The following SEC14L5 variants were observed in gnomAD, a reference collection of about 807,000 sequenced individuals.
SEC14L5 encodes the protein SEC14-like protein 5.
A neutral mutation model predicts 84.6 loss-of-function variants in SEC14L5; 96 were observed. That is an observed-to-expected ratio of 1.13 (90% CI 0.96 to 1.34). SEC14L5 has a LOEUF of 1.34. Ranked by LOEUF, SEC14L5 falls within the 40% of genes most tolerant of loss-of-function variation. The pLI is 0.00. For missense variants in SEC14L5, 1,224 were observed against 942.5 expected (o/e 1.30, Z -3.91); for synonymous variants, 546 against 383.4 (o/e 1.42, Z -4.95).
rs554158543 is a variant in SEC14L5, at chr16:4,991,867, T to C, written c.504T>C (p.Asn168=). 1 of 1,609,576 alleles carries C rather than the reference T, an allele frequency of 6.2e-7. No homozygotes were observed. Among genetic ancestry groups the C allele is most frequent in the South Asian group, 1.1e-5 (1 of 90,304 alleles). ...AGGAGGTGATTGAGCATTACCTGAA[T>C]GAGCTCATCTCCCAGGGTACCTCGC... ...RGKEVIEHYL[N]ELISQGTSHI... is the part of the protein sequence containing the mutation. Residue 168 remains asparagine (N), a synonymous_variant, in exon 6 of 16, where the codon AAT becomes AAC. Transcript: ENST00000251170.
intron 11 of SEC14L5, among the ~76,000 whole-genome samples, chr16:5,005,648 TC>T (rs1269371387): frequency 6.6e-6 from 1 of 151,662 alleles, no homozygotes; most frequent in Non-Finnish European, 1.5e-5. Flanking sequence ...GATCACGAGG[TC>T]AGGAGATCGA....
intron 10 of SEC14L5, among the ~76,000 whole-genome samples, chr16:5,002,931 AT>A (rs1955692586): frequency 6.6e-6 from 1 of 152,226 alleles, no homozygotes; most frequent in African/African-American, 2.4e-5. Flanking sequence ...AATTTTTGCA[AT>A]CAGACCTTGG....
chr16:5,011,022 C>T, intron 14 of SEC14L5, 73 bp from the exon 15 acceptor site: 2 of 1,418,216 alleles, frequency 1.4e-6, no homozygotes, highest in Non-Finnish European at 9.6e-7. Context: ...GATGAGAAGC[C>T]CATGAAGGCT....
At chr16:5,004,775 C>G (rs545613310) in intron 11 of SEC14L5, among the ~76,000 whole-genome samples, 2 of 152,232 alleles carry the variant, frequency 1.3e-5, no homozygotes, top group African/African-American at 2.4e-5. Flanking sequence ...TTCCTTCTTT[C>G]TCTCTCTCCC....
intron 15 of SEC14L5, among the ~76,000 whole-genome samples, chr16:5,014,327 TCTC>T (rs755688049): frequency 9.2e-5 from 14 of 152,062 alleles, no homozygotes; most frequent in Non-Finnish European, 1.6e-4. Context: ...GTCACGAGGA[TCTC>T]CTGATCCCAG....
At chr16:4,985,312 G>A (rs1380490951) in intron 2 of SEC14L5, among the ~76,000 whole-genome samples, 1 of 152,032 alleles carries the variant, frequency 6.6e-6, no homozygotes, top group Non-Finnish European at 1.5e-5. Flanking sequence ...TGCAACCTCC[G>A]CCTCCTGGGT....
intron 10 of SEC14L5, 105 bp from the exon 11 acceptor site, chr16:5,003,297 C>A (rs1260529034): frequency 2.5e-5 from 21 of 852,386 alleles, no homozygotes; most frequent in African/African-American, 3.4e-5. Context: ...CCATCTGCTC[C>A]CAGCCCTATC....
chr16:4,979,318 C>A (rs1026993715), intron 2 of SEC14L5, among the ~76,000 whole-genome samples: 4 of 152,208 alleles, frequency 2.6e-5, no homozygotes, highest in African/African-American at 9.6e-5. Flanking sequence ...CATGGTCTGA[C>A]TGCAAGGGGG....
In SEC14L5 at chr16:5,008,600, C is replaced by G; in HGVS notation, c.1752C>G (p.Tyr584Ter). 4 of 1,604,966 alleles carry G rather than the reference C, an allele frequency of 2.5e-6. No individual in the cohort carries two copies. Among genetic ancestry groups the G allele is most frequent in the Non-Finnish European group, 3.4e-6 (4 of 1,177,714 alleles). Residue 584 changes from tyrosine to a stop codon, truncating the protein, a stop_gained, in exon 14 of 16, where the codon TAC becomes TAG. Coordinates refer to ENST00000251170, the MANE Select transcript of SEC14L5 (RefSeq NM_014692.2). LOFTEE classifies it high-confidence loss of function. The stretch of plus-strand genomic sequence containing the variant: ...AAGGCTGGGTCCTGGGCAGGGATTA[C>G]AGCCGTGTGGAGGCTCCCCTTGTCT... ...IDKGWVLGRD[Y>*]SRVEAPLVCR... is the part of the protein sequence containing the mutation.
At chr16:4,991,796 C>T in intron 5 of SEC14L5, 42 bp from the exon 6 acceptor site, 2 of 1,443,034 alleles carry the variant, frequency 1.4e-6, no homozygotes, top group Admixed American at 2.0e-5. Context: ...CCCCCTCCAT[C>T]CTGCCCCGTG....
intron 6 of SEC14L5, among the ~76,000 whole-genome samples, chr16:4,995,619 T>C (rs1955600255): frequency 7.1e-6 from 1 of 141,404 alleles, no homozygotes; most frequent in Non-Finnish European, 1.5e-5. Flanking sequence ...CTTCTCTCTC[T>C]CTCTCTTTTT....
intron 2 of SEC14L5, 39 bp from the exon 3 acceptor site, chr16:4,987,518 C>A (rs1285004594): frequency 1.4e-6 from 2 of 1,471,854 alleles, no homozygotes; most frequent in African/African-American, 1.5e-5. Context: ...GTCCCTCTGC[C>A]CCCCCCACCA....
rs542924930 is a variant in SEC14L5, at chr16:5,005,534, A to G, written c.1303-380A>G. On this transcript the variant is annotated intron_variant, in intron 11 of 15. Coordinates refer to ENST00000251170, the MANE Select transcript of SEC14L5 (RefSeq NM_014692.2). ...CTGAACTGTGCACTTTATAATGATT[A>G]ATTCTATGTTGTATAAATTATATCT... 4.0e-5 allele frequency among the ~76,000 whole-genome samples: 6 copies of G among 151,534 alleles called. No individual in the cohort carries two copies. In the South Asian group the frequency reaches 1.3e-3, roughly 32 times the overall value.
rs763722457 is a variant in SEC14L5, at chr16:5,014,937, C to T, written c.2058C>T (p.Gly686=). 1 of 1,612,450 alleles carries T rather than the reference C, an allele frequency of 6.2e-7. No homozygotes were observed. Among genetic ancestry groups the T allele is most frequent in the East Asian group, 2.2e-5 (1 of 44,870 alleles). The change falls in exon 16 of 16, where the codon GGC becomes GGT. Residue 686 remains glycine (G), a synonymous_variant. Coordinates refer to ENST00000251170, the MANE Select transcript of SEC14L5 (RefSeq NM_014692.2). ...LSAATSSSSS[G]QSHSSSLVSR is the part of the protein sequence containing the mutation. Reference sequence around the variant, plus strand: ...CCGCCACCTCGTCCTCCTCCTCCGGCCAGTCTCATAGCAGCTCCCTGGTCT... The same window carrying T: ...CCGCCACCTCGTCCTCCTCCTCCGGTCAGTCTCATAGCAGCTCCCTGGTCT...
intron 2 of SEC14L5, among the ~76,000 whole-genome samples, chr16:4,978,566 G>A (rs1260911263): frequency 4.1e-5 from 6 of 146,834 alleles, no homozygotes; most frequent in African/African-American, 1.5e-4. Context: ...TTACAGGTAC[G>A]TGCCACCACA....
chr16:5,008,365 C>A, intron 13 of SEC14L5, 56 bp from the exon 14 acceptor site: 1 of 1,317,188 alleles, frequency 7.6e-7, no homozygotes, highest in African/African-American at 1.5e-5. Flanking sequence ...CTGTGTTCCC[C>A]ACCCCAGCTC....
intron 2 of SEC14L5, among the ~76,000 whole-genome samples, chr16:4,966,012 A>C (rs989249099): frequency 6.6e-5 from 10 of 152,162 alleles, no homozygotes; most frequent in Non-Finnish European, 1.5e-4. Flanking sequence ...ACTGCAGTCC[A>C]CCCTGGGCAA....
intron 5 of SEC14L5, among the ~76,000 whole-genome samples, 174 bp downstream of exon 5, chr16:4,991,069 T>A (rs539760693): frequency 6.6e-6 from 1 of 151,732 alleles, no homozygotes; most frequent in South Asian, 2.1e-4. Context: ...AAGTAACTGG[T>A]CTGTAACAGG....
intron 8 of SEC14L5, 106 bp from the exon 9 acceptor site, chr16:5,000,549 G>T (rs1042302635): frequency 2.4e-6 from 2 of 829,056 alleles, no homozygotes; most frequent in Non-Finnish European, 3.9e-6. Context: ...GCCTTGGTGG[G>T]TTGCAGCCTG....
Sources: allele counts gnomAD v4.1 joint callset (sites outside exome capture counted in the v4.1 genomes callset), GRCh38; gene constraint gnomAD v4.1.1; transcripts MANE v1.5; gene names NCBI Gene and HGNC (gene_info 2026-07-23, HGNC 2026-07-21).